The following TEDC2 variants were observed in gnomAD, a reference collection of about 807,000 sequenced individuals.
TEDC2 encodes the protein tubulin epsilon and delta complex 2, also known as tubulin epsilon and delta complex protein 2.
In TEDC2, 49 loss-of-function variants were observed where a neutral mutation model predicts 48.1. The ratio of observed to expected loss-of-function variants is 1.02; its 90% CI spans 0.81 to 1.29. The LOEUF is 1.29. Among genes scored for constraint, TEDC2 ranks in the 50% most tolerant of loss-of-function variants. The pLI, the probability that TEDC2 is intolerant of heterozygous loss-of-function variation, is 0.00. For missense variants in TEDC2, 631 were observed against 571.4 expected (o/e 1.10, Z -1.06); for synonymous variants, 299 against 247.1 (o/e 1.21, Z -1.97).
At chr16:2,461,280 G>A in intron 4 of TEDC2, 56 bp downstream of exon 4, 1 of 1,430,480 alleles carries the variant, frequency 7.0e-7, no homozygotes, top group Non-Finnish European at 9.2e-7. Flanking sequence ...CTCAGACCCT[G>A]GCTAGCAAGG....
At chr16:2,462,274 C>T in intron 6 of TEDC2, 35 bp downstream of exon 6, 1 of 1,610,364 alleles carries the variant, frequency 6.2e-7, no homozygotes, top group Non-Finnish European at 8.5e-7. Flanking sequence ...CCCTGGGGGC[C>T]TCTAGCTCTG....
Position 2,462,220 on chromosome 16 carries a change from T to A in TEDC2, c.731T>A (p.Leu244His). 6.2e-7 allele frequency: 1 copy of A among 1,613,354 alleles called. No homozygotes were observed. ...GCCGCCGCTGCCAAAACCCAGTTCC[T>A]CCAGAACATGCAGACAGCTGTATCC... The part of the protein sequence containing the change: ...TDAAAAKTQF[L>H]QNMQTASGGP... Residue 244 changes from leucine (L) to histidine (H), a missense_variant, in exon 6 of 10, where the codon CTC (leucine) becomes CAC (histidine). Leu to His is a moderately conservative substitution (Grantham distance 99). Transcript: ENST00000361837.
intron 8 of TEDC2, among the ~76,000 whole-genome samples, chr16:2,463,627 C>CA (rs56380126): frequency 0.065 from 6,712 of 103,018 alleles, 437 homozygotes; most frequent in African/African-American, 0.18. Flanking sequence ...ACTCCGTCTC[C>CA]AAAAAAAAAA....
intron 5 of TEDC2, 122 bp from the exon 6 acceptor site, chr16:2,462,027 A>T: frequency 1.7e-6 from 2 of 1,172,430 alleles, no homozygotes. Context: ...CATTCAGCAG[A>T]GCCAGACGCC....
rs774612294 is a variant in TEDC2, at chr16:2,460,865, G to A, written c.246G>A (p.Gln82=). 1.5e-5 allele frequency: 24 copies of A among 1,613,410 alleles called. No homozygotes were observed. The highest frequency in any genetic ancestry group is 1.9e-5 in the Non-Finnish European group (22 of 1,180,008). The change falls in exon 4 of 10, where the codon CAG becomes CAA. Residue 82 remains glutamine, a synonymous_variant. Coordinates refer to ENST00000361837, the MANE Select transcript of TEDC2 (RefSeq NM_025108.3). ...QDLKELEFLT[Q]ALEKAVRVRR... Reference sequence around the variant, plus strand: ...TCAAAGAGTTGGAGTTTCTGACCCAGGCACTGGAGAAGGCTGTACGAGTTC... The same window carrying A: ...TCAAAGAGTTGGAGTTTCTGACCCAAGCACTGGAGAAGGCTGTACGAGTTC...
At chr16:2,462,121 C>T (rs1036507658) in intron 5 of TEDC2, 28 bp from the exon 6 acceptor site, 3 of 1,606,468 alleles carry the variant, frequency 1.9e-6, no homozygotes, top group Non-Finnish European at 2.6e-6. Context: ...TCTGTGGTTC[C>T]TCTGTGCACC....
Position 2,464,172 on chromosome 16 carries a change from C to T in TEDC2, c.1098C>T (p.Thr366=), listed in dbSNP as rs777024227. 6.2e-6 allele frequency: 10 copies of T among 1,612,490 alleles called. No homozygotes were observed. In the Admixed American group the frequency reaches 1.2e-4, roughly 19 times the overall value. The change falls in exon 9 of 10, where the codon ACC becomes ACT. Residue 366 remains threonine, a synonymous_variant. Coordinates refer to ENST00000361837, the MANE Select transcript of TEDC2 (RefSeq NM_025108.3). ...LVYSSTQELQ[T]LAALKLRVAV... ...ACTCCAGCACCCAGGAGCTGCAGAC[C>T]CTGGCGGCCCTCAAGCTGCGAGTGG...
intron 8 of TEDC2, 124 bp from the exon 9 acceptor site, chr16:2,463,915 G>A (rs1215692512): frequency 8.9e-7 from 1 of 1,127,836 alleles, no homozygotes; most frequent in Non-Finnish European, 1.2e-6. Flanking sequence ...GGGCTGTCCT[G>A]AAAGCCCACC....
rs2065458030 is a variant in TEDC2, at chr16:2,460,374, C to T, written c.118C>T (p.His40Tyr). ...CCTGCGCGTTTGCCGTCGGCTGCTG[C>T]ATGCCTGGTACGCGGACCCCGGACC... is the stretch of plus-strand genomic sequence containing the variant. ...QSLRVCRRLLHAWEPTGTRAL... is the reference protein window; with the variant it reads ...QSLRVCRRLLYAWEPTGTRAL... The change falls in exon 2 of 10, where the codon CAT becomes TAT. Residue 40 changes from histidine (H) to tyrosine (Y), a missense_variant. By Grantham distance (83) the His-to-Tyr change is moderately conservative. Coordinates refer to ENST00000361837, the MANE Select transcript of TEDC2 (RefSeq NM_025108.3). The T allele has an allele frequency of 3.2e-6, 5 of 1,545,048 alleles. No individual in the cohort carries two copies. Among genetic ancestry groups the T allele is most frequent in the Non-Finnish European group, 4.4e-6 (5 of 1,146,368 alleles).
chr16:2,461,721 C>A (rs200714895), intron 4 of TEDC2, 26 bp from the exon 5 acceptor site: 1 of 1,613,040 alleles, frequency 6.2e-7, no homozygotes, highest in African/African-American at 1.3e-5. Flanking sequence ...AGGCGATGCT[C>A]CTCTGAACAC....
Position 2,461,024 on chromosome 16 carries a change from C to T in TEDC2, c.405C>T (p.Asp135=), listed in dbSNP as rs1187011581. ...SPGQAGGHAS[D]TRPTKGLRQT... ...GCCAAGCTGGTGGCCATGCTTCAGA[C>T]ACGAGACCCACCAAGGGCCTCCGCC... Residue 135 remains aspartate (D), a synonymous_variant, in exon 4 of 10, where the codon GAC becomes GAT. Transcript: ENST00000361837. The T allele has an allele frequency of 3.1e-6, 5 of 1,612,430 alleles. No individual in the cohort carries two copies. The highest frequency in any genetic ancestry group is 1.3e-5 in the African/African-American group (1 of 75,064).
In TEDC2 at chr16:2,462,142, A is replaced by T; in HGVS notation, c.660-7A>T. ...GTTCCTCTGTGCACCCCACGTGTGC[A>T]CCCCAGCCTGTGGGCCCAGCTCAGT... On this transcript the variant is annotated splice_polypyrimidine_tract_variant and splice_region_variant and intron_variant, in intron 5 of 9. Coordinates refer to ENST00000361837, the MANE Select transcript of TEDC2 (RefSeq NM_025108.3). The T allele has an allele frequency of 2.5e-6, 4 of 1,611,890 alleles. No homozygotes were observed. The highest frequency in any genetic ancestry group is 3.4e-6 in the Non-Finnish European group (4 of 1,179,800).
intron 4 of TEDC2, chr16:2,461,537 G>C: frequency 1.5e-6 from 1 of 655,548 alleles, no homozygotes; most frequent in East Asian, 2.8e-5. Context: ...CCCGCTCACA[G>C]GGCCCCCTCT....
intron 2 of TEDC2, 49 bp from the exon 3 acceptor site, chr16:2,460,574 G>A: frequency 6.2e-7 from 1 of 1,609,126 alleles, no homozygotes; most frequent in Non-Finnish European, 8.5e-7. Flanking sequence ...GGTCTGTTTG[G>A]GCTGGGCCCT....
rs1158883361 is a variant in TEDC2 at position 2,460,654 on chromosome 16, C to T, written c.157C>T (p.Pro53Ser). 1.2e-6 allele frequency: 2 copies of T among 1,612,944 alleles called. No homozygotes were observed. The highest frequency in any genetic ancestry group is 8.5e-7 in the Non-Finnish European group (1 of 1,180,010). ...AACTGGGACCCGGGCTTTGAAGCCA[C>T]CTCCAGGGCCAGAAACTAATGGAGA... ...EPTGTRALKP[P>S]PGPETNGEDP... Residue 53 changes from proline to serine, a missense_variant, in exon 3 of 10, where the codon CCT becomes TCT. Pro to Ser is a moderately conservative substitution (Grantham distance 74). Coordinates refer to ENST00000361837, the MANE Select transcript of TEDC2 (RefSeq NM_025108.3).
intron 4 of TEDC2, 129 bp from the exon 5 acceptor site, chr16:2,461,618 C>T (rs2065467240): frequency 4.4e-6 from 5 of 1,127,244 alleles, no homozygotes; most frequent in East Asian, 4.9e-5. Flanking sequence ...CAAGGGGGCT[C>T]ATCCTTGGTG....
intron 9 of TEDC2, 72 bp downstream of exon 9, chr16:2,464,301 C>T: frequency 3.3e-6 from 5 of 1,528,458 alleles, no homozygotes; most frequent in Non-Finnish European, 4.4e-6. Flanking sequence ...AGGGGCTTGA[C>T]TGCTCCACCC....
rs1464832189 is a variant in TEDC2 at position 2,460,116 on chromosome 16, G to A, written c.-29G>A. ...GAAGGGGCGTGGCTCTTCAGAGGCG[G>A]CAAATTGCAAGGAGACGCCGCCGCC... is the stretch of plus-strand genomic sequence containing the variant. On this transcript the variant is annotated 5_prime_UTR_variant, in exon 1 of 10. Transcript: ENST00000361837. 2 of 1,345,020 alleles carry A rather than the reference G, an allele frequency of 1.5e-6. No homozygotes were observed. Among genetic ancestry groups the A allele is most frequent in the Non-Finnish European group, 1.9e-6 (2 of 1,056,734 alleles). The allele number at this position is 1,345,020 out of a possible 1,614,324, so 83.3% of individuals were successfully genotyped here.
intron 9 of TEDC2, 111 bp downstream of exon 9, chr16:2,464,340 C>T (rs1252960360): frequency 2.3e-5 from 33 of 1,418,468 alleles, no homozygotes; most frequent in Non-Finnish European, 3.0e-5. Context: ...GGGGGCAAGC[C>T]TGGGGTCTGT....
Sources: allele counts gnomAD v4.1 joint callset (sites outside exome capture counted in the v4.1 genomes callset), GRCh38; gene constraint gnomAD v4.1.1; transcripts MANE v1.5; gene names NCBI Gene and HGNC (gene_info 2026-07-23, HGNC 2026-07-21).